TDRD9: variants seen among roughly 807,000 people sequenced by gnomAD.
The protein encoded by TDRD9 is tudor domain containing 9.
TDRD9 carries 124 observed loss-of-function variants against 172.6 expected under a neutral mutation model. The ratio of observed to expected loss-of-function variants is 0.72; its 90% confidence interval spans 0.62 to 0.83. The LOEUF is 0.83. Ranked by LOEUF, TDRD9 falls within the 40% of genes least tolerant of loss-of-function variation. The probability of loss-of-function intolerance (pLI) is 0.00; values close to 1 mark genes in which losing one functional copy is unlikely to be tolerated. For missense variants in TDRD9, 1,479 were observed against 1,714.1 expected (o/e 0.86, Z 2.42); for synonymous variants, 619 against 617.1 (o/e 1.00, Z -0.05).
chr14:104,038,589 A>G (rs1489050515), intron 32 of TDRD9, among the ~76,000 whole-genome samples: 1 of 152,134 alleles, frequency 6.6e-6, no homozygotes, highest in East Asian at 1.9e-4. Flanking sequence ...TCCACAAGTG[A>G]TCTGTCTGTA....
At chr14:104,001,873 C>T (rs1051130522) in intron 13 of TDRD9, among the ~76,000 whole-genome samples, 3 of 152,172 alleles carry the variant, frequency 2.0e-5, no homozygotes, top group Admixed American at 2.0e-4. Context: ...TCCCAAAGTG[C>T]TGGGATTACA....
At chr14:103,952,329 C>A (rs558630886) in intron 1 of TDRD9, among the ~76,000 whole-genome samples, 1 of 141,602 alleles carries the variant, frequency 7.1e-6, no homozygotes, top group African/African-American at 2.7e-5. Flanking sequence ...CAAGCTCCGC[C>A]TCCCGGGTTC....
intron 8 of TDRD9, among the ~76,000 whole-genome samples, chr14:103,986,536 G>C (rs961235039): frequency 6.6e-6 from 1 of 152,130 alleles, no homozygotes; most frequent in East Asian, 1.9e-4. Flanking sequence ...TGCAGTGTTA[G>C]GACTGATAGT....
intron 1 of TDRD9, among the ~76,000 whole-genome samples, chr14:103,946,106 T>C (rs1344627877): frequency 6.6e-6 from 1 of 152,022 alleles, no homozygotes; most frequent in African/African-American, 2.4e-5. Context: ...GCTGGGACTA[T>C]AGGCACGTGC....
At position 103,980,737 on chromosome 14, in the gene TDRD9, C is replaced by T. The variant is rs796141919; in HGVS notation, c.1011+5184C>T. ...AGCGGGTGTTTTTCCTTGACACTGA[C>T]GCTACCACTAGACCACGGCTAGACC... is the stretch of plus-strand genomic sequence containing the variant. On this transcript the variant is annotated intron_variant, in intron 7 of 35. Coordinates refer to ENST00000409874, the MANE Select transcript of TDRD9 (RefSeq NM_153046.3). The surrounding 1 kb of genome is among the most constrained non-coding windows in gnomAD (Gnocchi z 4.5). Among the ~76,000 whole-genome samples, 4 of 152,188 alleles carry T rather than the reference C, an allele frequency of 2.6e-5. No homozygotes were observed. The highest frequency in any genetic ancestry group is 4.8e-5 in the African/African-American group (2 of 41,528).
At chr14:103,935,059 CTG>C (rs897406143) in intron 1 of TDRD9, among the ~76,000 whole-genome samples, 3 of 152,208 alleles carry the variant, frequency 2.0e-5, no homozygotes, top group African/African-American at 4.8e-5. Flanking sequence ...CAAGAAGAAA[CTG>C]TGTCAGCCGA....
At chr14:103,937,655 T>G (rs1354127435) in intron 1 of TDRD9, among the ~76,000 whole-genome samples, 1 of 152,176 alleles carries the variant, frequency 6.6e-6, no homozygotes, top group Non-Finnish European at 1.5e-5. Flanking sequence ...GATTCTGAGA[T>G]TTCTGGCTTG....
At chr14:103,940,814 A>G (rs1186587214) in intron 1 of TDRD9, 1 of 1,533,982 alleles carries the variant, frequency 6.5e-7, no homozygotes, top group Non-Finnish European at 8.7e-7. Flanking sequence ...ACTTAACTAG[A>G]TGGGTGATAA....
At chr14:104,032,208 T>A in intron 30 of TDRD9, 121 bp downstream of exon 30, 1 of 656,026 alleles carries the variant, frequency 1.5e-6, no homozygotes. Context: ...TTCTTTTCTT[T>A]TCTTTTCTTT....
chr14:104,043,180 C>T (rs1271146202), intron 34 of TDRD9, among the ~76,000 whole-genome samples: 1 of 151,830 alleles, frequency 6.6e-6, no homozygotes, highest in African/African-American at 2.4e-5. Flanking sequence ...TGCACCACCA[C>T]ACCTGGCTAA....
intron 1 of TDRD9, among the ~76,000 whole-genome samples, chr14:103,938,402 GTGTGTGTGTGTGTATATA>G (rs1395570030): frequency 1.1e-3 from 67 of 60,888 alleles, no homozygotes; most frequent in African/African-American, 3.7e-3. Context: ...GTGTGTGTGT[GTGTGTGTGTGTGTATATA>G]TATATATATA....
intron 1 of TDRD9, among the ~76,000 whole-genome samples, chr14:103,953,313 G>A (rs2032039218): frequency 6.6e-6 from 1 of 152,054 alleles, no homozygotes; most frequent in Non-Finnish European, 1.5e-5. Flanking sequence ...CAGGCATCTT[G>A]ACTCTCTCAG....
chr14:103,930,377 G>A (rs1438461099), intron 1 of TDRD9, among the ~76,000 whole-genome samples: 1 of 152,152 alleles, frequency 6.6e-6, no homozygotes, highest in Non-Finnish European at 1.5e-5. Context: ...AGTAGAGACA[G>A]CATTTCACCT....
At chr14:103,983,240 T>G (rs2033547995) in intron 7 of TDRD9, among the ~76,000 whole-genome samples, 1 of 151,778 alleles carries the variant, frequency 6.6e-6, no homozygotes, top group Non-Finnish European at 1.5e-5. Flanking sequence ...TTTTTGTATT[T>G]TTAGTAGAGA....
chr14:103,970,439 G>T (rs2152154040), intron 5 of TDRD9, 102 bp from the exon 6 acceptor site: 3 of 781,222 alleles, frequency 3.8e-6, no homozygotes, highest in East Asian at 5.4e-5. Context: ...TTAGCAGAGA[G>T]AACTGGTTTA....
chr14:104,020,770 C>T (rs1852361144), intron 23 of TDRD9, among the ~76,000 whole-genome samples: 1 of 152,022 alleles, frequency 6.6e-6, no homozygotes, highest in African/African-American at 2.4e-5. Flanking sequence ...GGAAGGGGCC[C>T]AGGTCTGTTT....
rs564856642 is a variant in TDRD9, at chr14:104,001,549, T to C, written c.1484-2689T>C. Among the ~76,000 whole-genome samples the C allele has an allele frequency of 9.8e-5, 15 of 152,352 alleles. No individual in the cohort carries two copies. In the East Asian group the frequency reaches 2.9e-3, roughly 29 times the overall value. On this transcript the variant is annotated intron_variant, in intron 13 of 35. Coordinates refer to ENST00000409874, the MANE Select transcript of TDRD9 (RefSeq NM_153046.3). ...GTTTTTGTGTGGCCATAAGTTTTCA[T>C]TTCTCTGGTATAAAAACCCAAGAAT...
chr14:103,985,476 C>A (rs2033627465), intron 7 of TDRD9, among the ~76,000 whole-genome samples: 1 of 152,148 alleles, frequency 6.6e-6, no homozygotes, highest in Non-Finnish European at 1.5e-5. Context: ...TCCAGTAAAC[C>A]TCTTTCTTTT....
intron 20 of TDRD9, among the ~76,000 whole-genome samples, chr14:104,009,348 C>T (rs2034540172): frequency 6.6e-6 from 1 of 152,150 alleles, no homozygotes; most frequent in African/African-American, 2.4e-5. Flanking sequence ...TCTACTCCGG[C>T]CTGTGGGAAA....
Sources: allele counts gnomAD v4.1 joint callset (sites outside exome capture counted in the v4.1 genomes callset), GRCh38; gene constraint gnomAD v4.1.1; non-coding constraint Gnocchi (gnomAD v3.1); transcripts MANE v1.5; gene names NCBI Gene and HGNC (gene_info 2026-07-23, HGNC 2026-07-21).